The following FCRL3 variants were observed in gnomAD, a reference collection of about 807,000 sequenced individuals.
FCRL3 encodes the protein Fc receptor-like protein 3.
In FCRL3, 89 loss-of-function variants were observed where a neutral mutation model predicts 75.0. The observed-to-expected ratio is 1.19, with a 90% CI of 1.00 to 1.42. The LOEUF (loss-of-function observed/expected upper bound fraction) is 1.42, where lower values mean the gene tolerates loss of function less well. Ranked by LOEUF, FCRL3 falls within the 40% of genes most tolerant of loss-of-function variation. FCRL3 has a pLI of 0.00. For missense variants in FCRL3, 946 were observed against 880.0 expected, an observed-to-expected ratio of 1.07 and a Z score of -0.95; for synonymous variants, 376 against 348.5, an observed-to-expected ratio of 1.08 and a Z score of -0.88.
chr1:157,697,515 G>T, intron 5 of FCRL3, 91 bp from the exon 6 acceptor site: 1 of 1,479,808 alleles, frequency 6.8e-7, no homozygotes, highest in Non-Finnish European at 9.1e-7. Flanking sequence ...GCCATCAGGA[G>T]ATAGAGAAGC....
chr1:157,678,847 C>T lies in FCRL3; in HGVS notation c.2068G>A (p.Val690Ile). 6.2e-7 allele frequency: 1 copy of T among 1,613,892 alleles called. No individual in the cohort carries two copies. ...MMHQEHEELTVLYSELKKTHP... is the reference protein window; with the variant it reads ...MMHQEHEELTILYSELKKTHP... ...GTCTTCTTCAGTTCTGAATAGAGGA[C>T]TGTAAGTTCCTGGTAGAAAAAAACA... Residue 690 changes from valine to isoleucine, a missense_variant, in exon 15 of 15, where the codon GTC (valine) becomes ATC (isoleucine). Coordinates refer to ENST00000368184, the MANE Select transcript of FCRL3 (RefSeq NM_052939.4).
rs201499857 is a variant in FCRL3, at chr1:157,697,148, C to T, written c.836G>A (p.Arg279His). 2.5e-5 allele frequency: 38 copies of T among 1,505,324 alleles called. No individual in the cohort carries two copies. Among genetic ancestry groups the T allele is most frequent in the South Asian group, 1.1e-4 (8 of 71,646 alleles). 93.2% of individuals were successfully genotyped at this position (1,505,324 alleles called of 1,614,324 possible). ...IKKRSLRSQIRVQRVPVSNVN... is the reference protein window; with the variant it reads ...IKKRSLRSQIHVQRVPVSNVN... ...GCCCCTTAGACACTCACTCTGTACACGTATCTGAGATCTCAGGCTCCTTTT... is the reference window on the plus strand; with the variant it reads ...GCCCCTTAGACACTCACTCTGTACATGTATCTGAGATCTCAGGCTCCTTTT... The change falls in exon 6 of 15, where the codon CGT (arginine) becomes CAT (histidine). Residue 279 changes from arginine (R) to histidine (H), a missense_variant. Arg to His is a conservative substitution (Grantham distance 29). Coordinates refer to ENST00000368184, the MANE Select transcript of FCRL3 (RefSeq NM_052939.4).
intron 10 of FCRL3, among the ~76,000 whole-genome samples, chr1:157,685,928 C>A (rs1655147960): frequency 1.3e-5 from 2 of 151,810 alleles, no homozygotes; most frequent in Non-Finnish European, 2.9e-5. Context: ...TATGCATGTC[C>A]ACTATCACTA....
Position 157,678,421 on chromosome 1 carries a change from T to A in FCRL3, c.*289A>T. The A allele has an allele frequency of 8.0e-7, 1 of 1,248,204 alleles. No individual in the cohort carries two copies. The highest frequency in any genetic ancestry group is 1.0e-6 in the Non-Finnish European group (1 of 988,698). 77.3% of individuals were successfully genotyped at this position (1,248,204 alleles called of 1,614,324 possible). A position where few individuals can be genotyped will look rare whatever the true frequency, so the allele number is the denominator to read the frequency against. ...CCCTTGTAACCCTGGCTAGACCATT[T>A]CTCTCTCCTCCTCTATTCGACAGCC... On this transcript the variant is annotated 3_prime_UTR_variant, in exon 15 of 15. Coordinates refer to ENST00000368184, the MANE Select transcript of FCRL3 (RefSeq NM_052939.4).
intron 6 of FCRL3, 140 bp downstream of exon 6, chr1:157,697,000 G>A (rs192381410): frequency 1.7e-4 from 145 of 831,010 alleles, no homozygotes; most frequent in Non-Finnish European, 2.2e-4. Context: ...TTAGACCAAC[G>A]TTGAGCTTAA....
At chr1:157,679,002 A>G (rs1426435446) in intron 13 of FCRL3, 29 bp from the exon 14 acceptor site, 11 of 1,613,530 alleles carry the variant, frequency 6.8e-6, no homozygotes, top group Non-Finnish European at 5.1e-6. Context: ...AAAGAAAAGT[A>G]TTAAACTGTG....
chr1:157,676,857 C>G lies in FCRL3; in HGVS notation c.*1853G>C. On this transcript the variant is annotated 3_prime_UTR_variant, in exon 15 of 15. Coordinates refer to ENST00000368184, the MANE Select transcript of FCRL3 (RefSeq NM_052939.4). The stretch of plus-strand genomic sequence containing the variant: ...ACAAAGGGGCTTGGCAAGGTAATTC[C>G]AAATCAGCAGCAGGGTTAGAAAGGA... 6.5e-7 allele frequency: 1 copy of G among 1,535,168 alleles called. No individual in the cohort carries two copies. Among genetic ancestry groups the G allele is most frequent in the Non-Finnish European group, 8.8e-7 (1 of 1,140,422 alleles).
rs1478260238 is a variant in FCRL3, at chr1:157,696,282, C to T, written c.890G>A (p.Gly297Glu). The T allele has an allele frequency of 1.9e-6, 3 of 1,614,064 alleles. No homozygotes were observed. In the South Asian group the frequency reaches 3.3e-5, roughly 18 times the overall value. Residue 297 changes from glycine to glutamate, a missense_variant, in exon 7 of 15, where the codon GGG becomes GAG. Physicochemically the swap from Gly to Glu is moderately conservative, Grantham distance 98. Transcript: ENST00000368184. ...CATATTTTCTCCTTCAATCAGCTGCCCTCCGGTGGGCCGGATCTCTAGATT... is the reference window on the plus strand; with the variant it reads ...CATATTTTCTCCTTCAATCAGCTGCTCTCCGGTGGGCCGGATCTCTAGATT... ...NVNLEIRPTG[G>E]QLIEGENMVL...
At chr1:157,693,288 A>AG (rs1488942864) in intron 8 of FCRL3, among the ~76,000 whole-genome samples, 1 of 151,440 alleles carries the variant, frequency 6.6e-6, no homozygotes, top group Non-Finnish European at 1.5e-5. Flanking sequence ...AAAAAAAAAA[A>AG]AAAAAAAGGA....
At chr1:157,696,397 G>A (rs773644561) in intron 6 of FCRL3, 70 bp from the exon 7 acceptor site, 2 of 1,568,934 alleles carry the variant, frequency 1.3e-6, no homozygotes, top group Admixed American at 1.7e-5. Context: ...GAAGGCTGGA[G>A]CTACCATGAA....
rs551124654 is a variant in FCRL3, at chr1:157,698,024, A to G, written c.299-105T>C. Reference sequence around the variant, plus strand: ...GCCACAGTTCTATACACACCTGCAAATGGCCCCCACCCACATTGCCATGTG... The same window carrying G: ...GCCACAGTTCTATACACACCTGCAAGTGGCCCCCACCCACATTGCCATGTG... On this transcript the variant is annotated intron_variant, in intron 4 of 14. Transcript: ENST00000368184. The G allele has an allele frequency of 3.9e-4, 516 of 1,331,070 alleles. 3 individuals carry two copies. Among genetic ancestry groups the G allele is most frequent in the South Asian group, 2.8e-3 (190 of 68,436 alleles). The allele number at this position is 1,331,070 out of a possible 1,614,324, so 82.5% of individuals were successfully genotyped here. A position where few individuals can be genotyped will look rare whatever the true frequency, so the allele number is the denominator to read the frequency against.
intron 8 of FCRL3, among the ~76,000 whole-genome samples, chr1:157,692,392 C>G (rs1003012040): frequency 1.3e-5 from 2 of 152,022 alleles, no homozygotes; most frequent in African/African-American, 4.8e-5. Flanking sequence ...GATCATGCCA[C>G]CACGCCTTGC....
chr1:157,700,382 G>T, intron 2 of FCRL3, 77 bp downstream of exon 2: 1 of 1,606,796 alleles, frequency 6.2e-7, no homozygotes, highest in South Asian at 1.1e-5. Context: ...TAGAAGCAGA[G>T]ATAGAAGCTC....
chr1:157,678,350 C>T lies in FCRL3; in HGVS notation c.*360G>A, dbSNP rs1307637398. The stretch of plus-strand genomic sequence containing the variant: ...GAGCAAATTGTTTATACAGAGAGCA[C>T]ATTAACAGCTTTCGATCACACTTGG... On this transcript the variant is annotated 3_prime_UTR_variant, in exon 15 of 15. Transcript: ENST00000368184. 2.5e-5 allele frequency: 27 copies of T among 1,070,864 alleles called. No individual in the cohort carries two copies. Among genetic ancestry groups the T allele is most frequent in the South Asian group, 7.0e-5 (2 of 28,458 alleles). 66.3% of individuals were successfully genotyped at this position (1,070,864 alleles called of 1,614,324 possible).
intron 4 of FCRL3, among the ~76,000 whole-genome samples, 154 bp downstream of exon 4, chr1:157,698,230 C>A (rs1033191397): frequency 9.9e-5 from 15 of 152,252 alleles, no homozygotes; most frequent in African/African-American, 3.6e-4. Context: ...AATCCAGCAT[C>A]ATGCTGCTGC....
chr1:157,679,091 T>C (rs995553191), intron 13 of FCRL3, 118 bp from the exon 14 acceptor site: 6 of 1,163,128 alleles, frequency 5.2e-6, no homozygotes, highest in Admixed American at 3.6e-5. Context: ...TCTTGCTGTT[T>C]CCTCTGCTGG....
chr1:157,695,387 A>C lies in FCRL3; in HGVS notation c.1353T>G (p.Cys451Trp), dbSNP rs749309660. ...GGGCCCCCAGGCCATTGTCTGCATC[A>C]CAGGAGTAGTTTCCAGAATGTTCTG... Reference protein sequence around the residue: ...LTAEHSGNYSCDADNGLGAQH... With the variant: ...LTAEHSGNYSWDADNGLGAQH... Residue 451 changes from cysteine (C) to tryptophan (W), a missense_variant, in exon 8 of 15, where the codon TGT becomes TGG. Coordinates refer to ENST00000368184, the MANE Select transcript of FCRL3 (RefSeq NM_052939.4). 1.2e-6 allele frequency: 2 copies of C among 1,614,118 alleles called. No individual in the cohort carries two copies. The highest frequency in any genetic ancestry group is 4.5e-5 in the East Asian group (2 of 44,906).
Position 157,678,662 on chromosome 1 carries a change from A to C in FCRL3, c.*48T>G, listed in dbSNP as rs762369858. The C allele has an allele frequency of 6.2e-7, 1 of 1,606,588 alleles. No individual in the cohort carries two copies. The highest frequency in any genetic ancestry group is 1.7e-5 in the Admixed American group (1 of 59,606). ...ATGATGTGTGGTTGGAGAGAACAGAAAAAAAAATGGTGCAGGCTGTTTCCT... is the reference window on the plus strand; with the variant it reads ...ATGATGTGTGGTTGGAGAGAACAGACAAAAAAATGGTGCAGGCTGTTTCCT... On this transcript the variant is annotated 3_prime_UTR_variant, in exon 15 of 15. Transcript: ENST00000368184.
Position 157,677,958 on chromosome 1 carries a change from A to G in FCRL3, c.*752T>C. On this transcript the variant is annotated 3_prime_UTR_variant, in exon 15 of 15. Coordinates refer to ENST00000368184, the MANE Select transcript of FCRL3 (RefSeq NM_052939.4). ...ATTGTCTCGGGGTTAATGGGTGCTT[A>G]TAAGAATAAAACTGACTGACTAGAA... The G allele has an allele frequency of 1.0e-6, 1 of 985,294 alleles. No homozygotes were observed. Among genetic ancestry groups the G allele is most frequent in the East Asian group, 1.1e-4 (1 of 8,818 alleles). 61.0% of individuals were successfully genotyped at this position (985,294 alleles called of 1,614,324 possible).
Sources: gnomAD v4.1 joint callset for allele counts (sites outside exome capture counted in the v4.1 genomes callset) on GRCh38, gnomAD v4.1.1 for gene constraint, MANE v1.5 for transcripts, NCBI Gene and HGNC (gene_info 2026-07-23, HGNC 2026-07-21) for gene names.